RNF182: variants seen among roughly 807,000 people sequenced by gnomAD.
RNF182 encodes ring finger protein 182.
A neutral mutation model predicts 14.4 loss-of-function variants in RNF182; 15 were observed. The observed-to-expected ratio is 1.04, with a 90% confidence interval of 0.70 to 1.60. The LOEUF is 1.60. Among genes scored for constraint, RNF182 ranks in the 40% most tolerant of loss-of-function variants. The pLI, the probability that RNF182 is intolerant of heterozygous loss-of-function variation, is 0.00. For missense variants in RNF182, 268 were observed against 294.8 expected (o/e 0.91, Z 0.67); for synonymous variants, 128 against 122.9 (o/e 1.04, Z -0.27).
intron 1 of RNF182, among the ~76,000 whole-genome samples, chr6:13,937,117 A>G (rs1248188513): frequency 1.3e-5 from 2 of 152,190 alleles, no homozygotes; most frequent in Non-Finnish European, 1.5e-5. Context: ...TTTGTGTTGT[A>G]TGTATCTTGT....
intron 1 of RNF182, among the ~76,000 whole-genome samples, chr6:13,967,987 T>A (rs889087501): frequency 6.6e-6 from 1 of 152,178 alleles, no homozygotes; most frequent in African/African-American, 2.4e-5. Flanking sequence ...GTGGAAACAC[T>A]ATAGTCTTTA....
Position 13,980,203 on chromosome 6 carries a change from T to C in RNF182, c.*2340T>C. 1 of 133,634 alleles carries C rather than the reference T, an allele frequency of 7.5e-6. No individual in the cohort carries two copies. Among genetic ancestry groups the C allele is most frequent in the South Asian group, 2.2e-4 (1 of 4,600 alleles). The allele number at this position is 133,634 out of a possible 1,614,324, so 8.3% of individuals were successfully genotyped here. A position where few individuals can be genotyped will look rare whatever the true frequency, so the allele number is the denominator to read the frequency against. On this transcript the variant is annotated 3_prime_UTR_variant, in exon 3 of 3. Coordinates refer to ENST00000488300, the MANE Select transcript of RNF182 (RefSeq NM_152737.4). ...ACTTTTAAAAGGCCTTCATAGTTTT[T>C]TTATTTTATTTTATTTTATTTTATT...
At chr6:13,969,782 T>G (rs1308484668) in intron 1 of RNF182, among the ~76,000 whole-genome samples, 1 of 152,230 alleles carries the variant, frequency 6.6e-6, no homozygotes, top group Non-Finnish European at 1.5e-5. Flanking sequence ...TTGTATAGTC[T>G]TATCCCCAGA....
intron 1 of RNF182, among the ~76,000 whole-genome samples, chr6:13,942,262 T>C (rs917687098): frequency 6.6e-6 from 1 of 152,246 alleles, no homozygotes; most frequent in Admixed American, 6.5e-5. Flanking sequence ...TGTTAAGATA[T>C]GCTGAGACAC....
At chr6:13,965,878 G>A (rs1326736006) in intron 1 of RNF182, among the ~76,000 whole-genome samples, 4 of 152,172 alleles carry the variant, frequency 2.6e-5, no homozygotes, top group African/African-American at 7.2e-5. Flanking sequence ...ATGTAACAAT[G>A]TATAAGAAAA....
intron 1 of RNF182, chr6:13,961,409 A>G (rs1422526582): frequency 1.3e-5 from 2 of 152,170 alleles, no homozygotes; most frequent in Non-Finnish European, 2.9e-5. Flanking sequence ...TTTTAGTCCA[A>G]GATCACAGTG....
In RNF182 at chr6:13,977,087, C is replaced by A. The variant is rs371606480; in HGVS notation, c.-33C>A. The A allele has an allele frequency of 6.3e-7, 1 of 1,577,478 alleles. No homozygotes were observed. The highest frequency in any genetic ancestry group is 8.6e-7 in the Non-Finnish European group (1 of 1,159,984). On this transcript the variant is annotated 5_prime_UTR_variant, in exon 3 of 3. Transcript: ENST00000488300. ...AATCAAAGCCATTCTTCAACAAGAC[C>A]CACCTGGCATAAGATTGCACACATA... is the stretch of plus-strand genomic sequence containing the variant.
At chr6:13,946,001 C>T (rs897800027) in intron 1 of RNF182, among the ~76,000 whole-genome samples, 4 of 151,950 alleles carry the variant, frequency 2.6e-5, no homozygotes, top group Non-Finnish European at 5.9e-5. Flanking sequence ...ACACGTCTGC[C>T]TTAGGTATAA....
At position 13,977,238 on chromosome 6, in the gene RNF182, G is replaced by A; in HGVS notation, c.119G>A (p.Cys40Tyr). The A allele has an allele frequency of 6.2e-7, 1 of 1,614,168 alleles. No individual in the cohort carries two copies. The highest frequency in any genetic ancestry group is 8.5e-7 in the Non-Finnish European group (1 of 1,180,020). ...AGGAAACCCAAAGTGCTGGAGTGTTGTCATAGGGTTTGTGCCAAATGCCTC... is the reference window on the plus strand; with the variant it reads ...AGGAAACCCAAAGTGCTGGAGTGTTATCATAGGGTTTGTGCCAAATGCCTC... ...KQRKPKVLEC[C>Y]HRVCAKCLYK... is the part of the protein sequence containing the mutation. Residue 40 changes from cysteine to tyrosine, a missense_variant, in exon 3 of 3, where the codon TGT (cysteine) becomes TAT (tyrosine). Cys to Tyr is a radical substitution (Grantham distance 194). Coordinates refer to ENST00000488300, the MANE Select transcript of RNF182 (RefSeq NM_152737.4).
At position 13,977,816 on chromosome 6, in the gene RNF182, C is replaced by T; in HGVS notation, c.697C>T (p.Gln233Ter). The T allele has an allele frequency of 6.2e-7, 1 of 1,614,028 alleles. No individual in the cohort carries two copies. The highest frequency in any genetic ancestry group is 1.1e-5 in the South Asian group (1 of 91,062). Reference protein sequence around the residue: ...LVILMVYGFCQCVCHEFLDCM... With the variant: ...LVILMVYGFC The stretch of plus-strand genomic sequence containing the variant: ...TATTCTTATGGTGTATGGTTTTTGC[C>T]AGTGTGTTTGTCATGAATTTCTAGA... The change falls in exon 3 of 3, where the codon CAG becomes TAG. Residue 233 changes from glutamine to a stop codon, truncating the protein, a stop_gained. Transcript: ENST00000488300. LOFTEE classifies it high-confidence loss of function.
At chr6:13,965,021 G>T (rs974132899) in intron 1 of RNF182, among the ~76,000 whole-genome samples, 1 of 152,146 alleles carries the variant, frequency 6.6e-6, no homozygotes, top group Non-Finnish European at 1.5e-5. Context: ...AAAAATATTG[G>T]CACTGTAGCC....
chr6:13,945,638 C>T (rs1202383866), intron 1 of RNF182, among the ~76,000 whole-genome samples: 1 of 152,216 alleles, frequency 6.6e-6, no homozygotes, highest in African/African-American at 2.4e-5. Flanking sequence ...CAAAGATTGA[C>T]ATAGACCTCT....
At chr6:13,943,295 T>C (rs1192896930) in intron 1 of RNF182, among the ~76,000 whole-genome samples, 1 of 151,868 alleles carries the variant, frequency 6.6e-6, no homozygotes, top group Non-Finnish European at 1.5e-5. Context: ...TTTTTTTTTT[T>C]CTTTTTGTAG....
chr6:13,963,839 G>T (rs1759943016), intron 1 of RNF182, among the ~76,000 whole-genome samples: 1 of 152,172 alleles, frequency 6.6e-6, no homozygotes, highest in Admixed American at 6.5e-5. Context: ...AGATCACATT[G>T]TAGAAAGTAT....
chr6:13,958,911 G>A (rs1165130087), intron 1 of RNF182, among the ~76,000 whole-genome samples: 1 of 152,078 alleles, frequency 6.6e-6, no homozygotes, highest in Non-Finnish European at 1.5e-5. Context: ...CTTCTTTGGG[G>A]GTGAATGAAT....
rs1758921265 is a variant in RNF182 at position 13,929,830 on chromosome 6, TTATGCTTGGGC to T, written c.-367+4809_-367+4819del. Among the ~76,000 whole-genome samples the T allele has an allele frequency of 2.0e-5, 3 of 152,314 alleles. No homozygotes were observed. The South Asian group carries it at 6.2e-4, about 32-fold the overall frequency. ...AGTGTAGAAATAATGACACTAATTATTATGCTTGGGCTTTCCTCCCCCATCTTATTTTCTCT... is the reference window on the plus strand; with the variant it reads ...AGTGTAGAAATAATGACACTAATTATTTTCCTCCCCCATCTTATTTTCTCT... On this transcript the variant is annotated intron_variant, in intron 1 of 2. Coordinates refer to ENST00000488300, the MANE Select transcript of RNF182 (RefSeq NM_152737.4).
intron 1 of RNF182, among the ~76,000 whole-genome samples, chr6:13,960,692 T>TGTGTGCGCGC (rs367625022): frequency 3.0e-4 from 42 of 137,802 alleles, no homozygotes; most frequent in African/African-American, 1.0e-3. Context: ...TGTGTGTGTG[T>TGTGTGCGCGC]GCGCGCGTGC....
In RNF182 at chr6:13,978,052, G is replaced by T; in HGVS notation, c.*189G>T. ...TAAAAATGTTCATTTCTACTTAGGGGTTAGCAAAATTGTATAAGCTCACAC... is the reference window on the plus strand; with the variant it reads ...TAAAAATGTTCATTTCTACTTAGGGTTTAGCAAAATTGTATAAGCTCACAC... On this transcript the variant is annotated 3_prime_UTR_variant, in exon 3 of 3. Coordinates refer to ENST00000488300, the MANE Select transcript of RNF182 (RefSeq NM_152737.4). 1 of 623,230 alleles carries T rather than the reference G, an allele frequency of 1.6e-6. No individual in the cohort carries two copies. The highest frequency in any genetic ancestry group is 2.7e-6 in the Non-Finnish European group (1 of 365,296). The allele number at this position is 623,230 out of a possible 1,614,324, so 38.6% of individuals were successfully genotyped here.
In RNF182 at chr6:13,966,624, G is replaced by A. The variant is rs148204418; in HGVS notation, c.-366-7586G>A. Among the ~76,000 whole-genome samples, 251 of 151,966 alleles carry A rather than the reference G, an allele frequency of 1.7e-3. 1 individual carries two copies. The East Asian group carries it at 0.037, about 22-fold the overall frequency. Reference sequence around the variant, plus strand: ...CTAAAAATACAAAAATTAGCTAAGCGTGGTGGCGCACACCTGTAATCTCAG... The same window carrying A: ...CTAAAAATACAAAAATTAGCTAAGCATGGTGGCGCACACCTGTAATCTCAG... On this transcript the variant is annotated intron_variant, in intron 1 of 2. Coordinates refer to ENST00000488300, the MANE Select transcript of RNF182 (RefSeq NM_152737.4).
Sources: allele counts gnomAD v4.1 joint callset (sites outside exome capture counted in the v4.1 genomes callset), GRCh38; gene constraint gnomAD v4.1.1; transcripts MANE v1.5; gene names NCBI Gene and HGNC (gene_info 2026-07-23, HGNC 2026-07-21).